HAVCR2: variants seen among roughly 807,000 people sequenced by gnomAD.
HAVCR2 encodes hepatitis A virus cellular receptor 2, also known as T cell immunoglobulin mucin 3.
HAVCR2 carries 13 observed loss-of-function variants against 24.7 expected under a neutral mutation model. The observed-to-expected ratio is 0.53, with a 90% CI of 0.34 to 0.84. The LOEUF (loss-of-function observed/expected upper bound fraction) is 0.84, where lower values mean the gene tolerates loss of function less well. HAVCR2 is among the 40% of genes least tolerant of loss of function. HAVCR2 has a pLI of 0.01. For missense variants in HAVCR2, 343 were observed against 371.2 expected (o/e 0.92, Z 0.62); for synonymous variants, 154 against 143.4 (o/e 1.07, Z -0.53).
chr5:157,095,530 G>A, intron 4 of HAVCR2, 71 bp from the exon 5 acceptor site: 2 of 1,546,508 alleles, frequency 1.3e-6, no homozygotes, highest in South Asian at 2.3e-5. Flanking sequence ...TTCAAGATTT[G>A]TGAATTGGAC....
Position 157,087,303 on chromosome 5 carries a change from A to T in HAVCR2, c.714-9T>A. The T allele has an allele frequency of 2.5e-6, 4 of 1,600,292 alleles. No individual in the cohort carries two copies. Among genetic ancestry groups the T allele is most frequent in the Non-Finnish European group, 3.4e-6 (4 of 1,175,170 alleles). On this transcript the variant is annotated splice_polypyrimidine_tract_variant and intron_variant, in intron 6 of 6. Transcript: ENST00000307851. ...TGGCCAAAGAGATGAGGCTGTGGAA[A>T]TAAAGTGTTGCGGTTGAGTTAAGCA... is the stretch of plus-strand genomic sequence containing the variant.
At chr5:157,097,526 C>G (rs1757109509) in intron 4 of HAVCR2, among the ~76,000 whole-genome samples, 1 of 152,146 alleles carries the variant, frequency 6.6e-6, no homozygotes, top group South Asian at 2.1e-4. Context: ...TCCTAAAGTG[C>G]TGGGATTACA....
At chr5:157,102,168 C>G (rs1295134279) in intron 3 of HAVCR2, among the ~76,000 whole-genome samples, 1 of 151,942 alleles carries the variant, frequency 6.6e-6, no homozygotes, top group Non-Finnish European at 1.5e-5. Context: ...AACTCCTGAC[C>G]TCAGGTGATC....
intron 4 of HAVCR2, among the ~76,000 whole-genome samples, chr5:157,096,968 A>AC (rs1219207472): frequency 1.5e-5 from 2 of 137,414 alleles, no homozygotes; most frequent in Admixed American, 8.3e-5. Flanking sequence ...ACACACATAT[A>AC]ATTATAAGCA....
At chr5:157,092,904 A>C (rs1301369648) in intron 5 of HAVCR2, among the ~76,000 whole-genome samples, 2 of 111,388 alleles carry the variant, frequency 1.8e-5, no homozygotes, top group African/African-American at 3.7e-5. Flanking sequence ...AAAAAAAAAA[A>C]AAAAAAAAAA....
At chr5:157,093,189 T>C (rs1289993627) in intron 5 of HAVCR2, among the ~76,000 whole-genome samples, 1 of 151,322 alleles carries the variant, frequency 6.6e-6, no homozygotes, top group African/African-American at 2.4e-5. Context: ...GTGGGTGGGG[T>C]AGTTTCTTTT....
chr5:157,102,733 G>A (rs998412226), intron 3 of HAVCR2, among the ~76,000 whole-genome samples: 5 of 151,894 alleles, frequency 3.3e-5, no homozygotes, highest in South Asian at 2.1e-4. Context: ...TTAGGAGTTC[G>A]AGACCAGCAT....
intron 3 of HAVCR2, among the ~76,000 whole-genome samples, chr5:157,100,116 A>C (rs562210837): frequency 6.6e-6 from 1 of 152,330 alleles, no homozygotes; most frequent in Admixed American, 6.5e-5. Flanking sequence ...GTGCTAAATA[A>C]ACTCTTTCAG....
intron 5 of HAVCR2, among the ~76,000 whole-genome samples, chr5:157,094,177 G>C (rs796403889): frequency 1.1e-4 from 17 of 151,580 alleles, no homozygotes; most frequent in African/African-American, 4.1e-4. Flanking sequence ...GGGACTACAG[G>C]TGTGTGCCAC....
intron 6 of HAVCR2, among the ~76,000 whole-genome samples, chr5:157,088,245 C>T (rs1308211478): frequency 6.6e-6 from 1 of 152,184 alleles, no homozygotes; most frequent in African/African-American, 2.4e-5. Context: ...TATTGTATTC[C>T]ATTCATGTGC....
At chr5:157,100,024 C>CA (rs1757147404) in intron 3 of HAVCR2, among the ~76,000 whole-genome samples, 1 of 152,138 alleles carries the variant, frequency 6.6e-6, no homozygotes. Context: ...ATAAGTTTTG[C>CA]ATTTACTCAT....
intron 6 of HAVCR2, 42 bp from the exon 7 acceptor site, chr5:157,087,336 G>C (rs764748523): frequency 1.3e-6 from 2 of 1,541,124 alleles, no homozygotes; most frequent in Non-Finnish European, 8.8e-7. Flanking sequence ...GCATTTCCCA[G>C]GTAACACGGA....
chr5:157,105,225 T>C (rs7442742), intron 2 of HAVCR2, among the ~76,000 whole-genome samples: 126,388 of 151,618 alleles, frequency 0.83, 52,796 homozygotes, highest in East Asian at 0.99. Context: ...CAACCACACC[T>C]GGCTAATTTT....
chr5:157,101,368 G>A (rs1224805843), intron 3 of HAVCR2, among the ~76,000 whole-genome samples: 1 of 152,142 alleles, frequency 6.6e-6, no homozygotes, highest in African/African-American at 2.4e-5. Flanking sequence ...TGTTCTTTCT[G>A]GAGAAACCAA....
chr5:157,106,362 C>A, intron 2 of HAVCR2: 1 of 439,228 alleles, frequency 2.3e-6, no homozygotes, highest in Non-Finnish European at 4.1e-6. Flanking sequence ...GAATTCCTGA[C>A]CTCATGATCC....
chr5:157,102,357 A>C (rs1226716524), intron 3 of HAVCR2, among the ~76,000 whole-genome samples: 1 of 152,138 alleles, frequency 6.6e-6, no homozygotes, highest in Non-Finnish European at 1.5e-5. Context: ...TACACATGTG[A>C]GCCACTGTGC....
intron 5 of HAVCR2, among the ~76,000 whole-genome samples, chr5:157,094,041 C>CTTT (rs1374358354): frequency 2.2e-5 from 3 of 136,338 alleles, no homozygotes; most frequent in African/African-American, 2.7e-5. Flanking sequence ...CAACACACTT[C>CTTT]TTTTTTTTTT....
chr5:157,091,410 C>T (rs1756998147), intron 5 of HAVCR2, among the ~76,000 whole-genome samples: 1 of 150,440 alleles, frequency 6.6e-6, no homozygotes, highest in South Asian at 2.1e-4. Context: ...TGCACCATTG[C>T]ACTCCAGCCT....
chr5:157,094,910 C>A (rs941813843), intron 5 of HAVCR2, among the ~76,000 whole-genome samples: 14 of 152,080 alleles, frequency 9.2e-5, no homozygotes, highest in African/African-American at 3.1e-4. Flanking sequence ...TCGTAACAAA[C>A]CTAGACATAT....
Sources: allele counts gnomAD v4.1 joint callset (sites outside exome capture counted in the v4.1 genomes callset), GRCh38; gene constraint gnomAD v4.1.1; transcripts MANE v1.5; gene names NCBI Gene and HGNC (gene_info 2026-07-23, HGNC 2026-07-21).